The following CSMD1 variants were observed in gnomAD, a reference collection of about 807,000 sequenced individuals.
CSMD1 encodes CUB and sushi domain-containing protein 1.
Under a neutral mutation model 417.5 loss-of-function variants are expected in CSMD1, and 213 were observed. That is an observed-to-expected ratio of 0.51 (90% confidence interval 0.46 to 0.57). CSMD1 has a LOEUF of 0.57. CSMD1 is among the 20% of genes least tolerant of loss of function. The pLI, the probability that CSMD1 is intolerant of heterozygous loss-of-function variation, is 0.00. For missense variants in CSMD1, 6,923 were observed against 4,529.7 expected (o/e 1.53, Z -15.17); for synonymous variants, 2,862 against 1,736.8 (o/e 1.65, Z -16.11).
intron 10 of CSMD1, among the ~76,000 whole-genome samples, chr8:3,531,393 T>C (rs1209238953): frequency 6.6e-6 from 1 of 152,142 alleles, no homozygotes; most frequent in Non-Finnish European, 1.5e-5. Context: ...TTATAGAATC[T>C]GGAATTATAA....
At chr8:4,306,342 T>C (rs1429375743) in intron 3 of CSMD1, among the ~76,000 whole-genome samples, 1 of 152,172 alleles carries the variant, frequency 6.6e-6, no homozygotes, top group Non-Finnish European at 1.5e-5. Context: ...CCATTTTTAC[T>C]CCTTTATGTG....
At chr8:4,103,642 C>G (rs906817255) in intron 3 of CSMD1, among the ~76,000 whole-genome samples, 7 of 152,060 alleles carry the variant, frequency 4.6e-5, no homozygotes, top group African/African-American at 1.7e-4. Flanking sequence ...ATCTTTAAAT[C>G]TCATTAGGTA....
At chr8:4,896,023 T>C (rs1804457064) in intron 1 of CSMD1, among the ~76,000 whole-genome samples, 1 of 152,140 alleles carries the variant, frequency 6.6e-6, no homozygotes, top group Admixed American at 6.5e-5. Context: ...GAGATATTTG[T>C]AATGATTCTA....
rs77889799 is a variant in CSMD1 at position 3,690,813 on chromosome 8, T to A, written c.1009+17601A>T. Reference sequence around the variant, plus strand: ...AAAAAGGAATAGTCATATTCTAATTTTCTAAACTAGCAAAATTGAGGTTCT... The same window carrying A: ...AAAAAGGAATAGTCATATTCTAATTATCTAAACTAGCAAAATTGAGGTTCT... On this transcript the variant is annotated intron_variant, in intron 7 of 69. Coordinates refer to ENST00000635120, the MANE Select transcript of CSMD1 (RefSeq NM_033225.6). 9.7e-3 allele frequency among the ~76,000 whole-genome samples: 1,480 copies of A among 152,304 alleles called. 29 individuals are homozygous for A. Among genetic ancestry groups the A allele is most frequent in the African/African-American group, 0.034 (1,424 of 41,566 alleles).
At chr8:4,784,368 G>A (rs1262475959) in intron 1 of CSMD1, among the ~76,000 whole-genome samples, 1 of 152,200 alleles carries the variant, frequency 6.6e-6, no homozygotes, top group Non-Finnish European at 1.5e-5. Context: ...GTCATTTAAT[G>A]AACTGTGCTA....
At chr8:4,394,555 T>C (rs1007708219) in intron 3 of CSMD1, among the ~76,000 whole-genome samples, 14 of 152,166 alleles carry the variant, frequency 9.2e-5, no homozygotes, top group Non-Finnish European at 1.9e-4. Context: ...TTGGAGCAAA[T>C]GGACTTTGGT....
intron 3 of CSMD1, among the ~76,000 whole-genome samples, chr8:4,295,177 T>C (rs1409526322): frequency 1.5e-4 from 21 of 143,084 alleles, no homozygotes; most frequent in Non-Finnish European, 2.4e-4. Context: ...TAAGATTATA[T>C]AATCTTAAGA....
chr8:3,563,101 A>C (rs1486917946), intron 10 of CSMD1, among the ~76,000 whole-genome samples: 1 of 152,056 alleles, frequency 6.6e-6, no homozygotes, highest in Non-Finnish European at 1.5e-5. Flanking sequence ...ATTTTTCTTC[A>C]TTTTATAAAT....
At chr8:3,193,419 A>G (rs1796529457) in intron 33 of CSMD1, among the ~76,000 whole-genome samples, 2 of 152,272 alleles carry the variant, frequency 1.3e-5, no homozygotes, top group East Asian at 3.9e-4. Context: ...GGAGGCAGGG[A>G]GAAGCTGTGG....
chr8:4,197,105 C>A (rs570885767), intron 3 of CSMD1, among the ~76,000 whole-genome samples: 2 of 152,258 alleles, frequency 1.3e-5, no homozygotes, highest in South Asian at 2.1e-4. Context: ...GAAGACAATG[C>A]AAAGTGTGTC....
chr8:4,401,302 T>C (rs1392425432), intron 3 of CSMD1, among the ~76,000 whole-genome samples: 1 of 152,208 alleles, frequency 6.6e-6, no homozygotes. Context: ...GCTTTTATAA[T>C]ATTTCTACAG....
chr8:3,816,224 C>A (rs1000841420), intron 5 of CSMD1, among the ~76,000 whole-genome samples: 2 of 152,148 alleles, frequency 1.3e-5, no homozygotes, highest in African/African-American at 2.4e-5. Context: ...CAGAAGGGCA[C>A]GTGTTATATT....
At chr8:3,567,529 G>T (rs1164212296) in intron 10 of CSMD1, among the ~76,000 whole-genome samples, 3 of 149,584 alleles carry the variant, frequency 2.0e-5, no homozygotes, top group Non-Finnish European at 4.5e-5. Context: ...AAGGGGATGG[G>T]GGAGGGGAAA....
intron 5 of CSMD1, among the ~76,000 whole-genome samples, chr8:3,773,062 T>C (rs950459891): frequency 1.3e-5 from 2 of 152,174 alleles, no homozygotes; most frequent in Non-Finnish European, 2.9e-5. Context: ...GGGAGCTCTC[T>C]GGGGCCTCTT....
At chr8:4,622,601 C>A (rs117476813) in intron 2 of CSMD1, among the ~76,000 whole-genome samples, 1 of 151,990 alleles carries the variant, frequency 6.6e-6, no homozygotes, top group Non-Finnish European at 1.5e-5. Flanking sequence ...GGTTTGGTTT[C>A]GGAATTACAA....
intron 10 of CSMD1, among the ~76,000 whole-genome samples, chr8:3,551,126 C>G (rs1480329669): frequency 6.6e-6 from 1 of 152,164 alleles, no homozygotes; most frequent in Non-Finnish European, 1.5e-5. Flanking sequence ...CTTTGTGATT[C>G]AGTTTTCTTA....
chr8:4,014,608 G>A (rs1389154014), intron 4 of CSMD1, among the ~76,000 whole-genome samples: 1 of 152,192 alleles, frequency 6.6e-6, no homozygotes, highest in African/African-American at 2.4e-5. Context: ...GAGATTAAAA[G>A]TAATATTAGC....
chr8:4,114,769 A>C (rs1042070870), intron 3 of CSMD1, among the ~76,000 whole-genome samples: 1 of 152,220 alleles, frequency 6.6e-6, no homozygotes, highest in African/African-American at 2.4e-5. Context: ...GAATATAATA[A>C]GACTTCAGCA....
rs370700194 is a variant in CSMD1, at chr8:4,123,405, T to C, written c.416-91306A>G. 1.0e-3 allele frequency among the ~76,000 whole-genome samples: 158 copies of C among 152,360 alleles called. 3 individuals are homozygous for C. The South Asian group carries it at 0.032, about 31-fold the overall frequency. On this transcript the variant is annotated intron_variant, in intron 3 of 69. Transcript: ENST00000635120. ...ATTCTTATCTGGGTGTGCCACATAT[T>C]TCATTTGCTTTACTGTTTCTTAAAT... is the stretch of plus-strand genomic sequence containing the variant.
Sources: allele counts gnomAD v4.1 joint callset (sites outside exome capture counted in the v4.1 genomes callset), GRCh38; gene constraint gnomAD v4.1.1; transcripts MANE v1.5; gene names NCBI Gene and HGNC (gene_info 2026-07-23, HGNC 2026-07-21).